The following QTMAN variants were observed in gnomAD, a reference collection of about 807,000 sequenced individuals.
QTMAN encodes tRNA-queuosine alpha-mannosyltransferase.
At chr2:144,243,352 C>T in the QTMAN span, among the ~76,000 whole-genome samples, 1 of 152,148 alleles carries the variant, frequency 6.6e-6, no homozygotes, top group Non-Finnish European at 1.5e-5. Flanking sequence ...CCATTTATCT[C>T]CAAGAACCAA....
At chr2:144,015,797 C>T in the QTMAN span, among the ~76,000 whole-genome samples, 1 of 152,162 alleles carries the variant, frequency 6.6e-6, no homozygotes, top group Non-Finnish European at 1.5e-5. Context: ...TGGTGAGAAT[C>T]CAGGCTGTGT....
chr2:143,967,015 G>A, the QTMAN span, among the ~76,000 whole-genome samples: 2 of 152,162 alleles, frequency 1.3e-5, no homozygotes, highest in Non-Finnish European at 2.9e-5. Flanking sequence ...GCCTTTCTTG[G>A]TTTTCCAATC....
chr2:143,946,763 C>T, the QTMAN span: 1 of 386,156 alleles, frequency 2.6e-6, no homozygotes, highest in Admixed American at 4.2e-5. Context: ...ATACAACAGG[C>T]CACATATTTT....
chr2:144,040,869 G>A, the QTMAN span, among the ~76,000 whole-genome samples: 1 of 152,066 alleles, frequency 6.6e-6, no homozygotes, highest in Admixed American at 6.5e-5. Flanking sequence ...TAGACAAAGA[G>A]GTGGATTTAT....
the QTMAN span, among the ~76,000 whole-genome samples, chr2:144,034,156 C>G: frequency 6.6e-6 from 1 of 152,150 alleles, no homozygotes; most frequent in Non-Finnish European, 1.5e-5. Context: ...ACAATCAGAG[C>G]CATTCCCCTG....
the QTMAN span, among the ~76,000 whole-genome samples, chr2:144,179,990 C>A: frequency 6.6e-6 from 1 of 152,110 alleles, no homozygotes; most frequent in African/African-American, 2.4e-5. Context: ...AAAATAATTT[C>A]TTTTACTGTT....
the QTMAN span, among the ~76,000 whole-genome samples, chr2:144,053,232 T>C: frequency 6.6e-6 from 1 of 152,218 alleles, no homozygotes; most frequent in African/African-American, 2.4e-5. Context: ...TTCAGATAAA[T>C]GTACATATAT....
chr2:143,991,382 G>A, the QTMAN span, among the ~76,000 whole-genome samples: 22 of 152,236 alleles, frequency 1.4e-4, 1 homozygote, highest in Admixed American at 1.1e-3. Flanking sequence ...ATAACTTCTC[G>A]GTGGGGGGTC....
At chr2:144,282,899 C>T in the QTMAN span, among the ~76,000 whole-genome samples, 1 of 152,130 alleles carries the variant, frequency 6.6e-6, no homozygotes, top group South Asian at 2.1e-4. Context: ...CCTGATGAAG[C>T]CTCCAGAAAG....
At chr2:144,183,796 T>C in the QTMAN span, among the ~76,000 whole-genome samples, 1 of 152,216 alleles carries the variant, frequency 6.6e-6, no homozygotes, top group Non-Finnish European at 1.5e-5. Flanking sequence ...CAGGATATCC[T>C]AACAACACCT....
chr2:144,152,332 T>C, the QTMAN span, among the ~76,000 whole-genome samples: 2 of 152,202 alleles, frequency 1.3e-5, no homozygotes, highest in African/African-American at 2.4e-5. Flanking sequence ...CTGAACTGTC[T>C]TACGGATGTT....
the QTMAN span, among the ~76,000 whole-genome samples, chr2:144,305,844 T>A: frequency 6.6e-6 from 1 of 152,254 alleles, no homozygotes; most frequent in Admixed American, 6.5e-5. Flanking sequence ...ATTCTTAATT[T>A]CATTTTTGTT....
At chr2:143,954,337 G>C in the QTMAN span, among the ~76,000 whole-genome samples, 1 of 151,984 alleles carries the variant, frequency 6.6e-6, no homozygotes, top group Admixed American at 6.6e-5. Context: ...AATCAAAAGA[G>C]TGAAGTCATA....
the QTMAN span, among the ~76,000 whole-genome samples, chr2:144,306,803 T>C: frequency 1.3e-5 from 2 of 152,108 alleles, no homozygotes; most frequent in African/African-American, 2.4e-5. Flanking sequence ...ATCATAAAAA[T>C]GCAAAGACAG....
At chr2:144,297,317 C>G in the QTMAN span, among the ~76,000 whole-genome samples, 124 of 152,192 alleles carry the variant, frequency 8.1e-4, no homozygotes, top group African/African-American at 2.8e-3. Flanking sequence ...AGCTTGACCA[C>G]GGAGAAACAA....
At chr2:144,115,853 C>G in the QTMAN span, among the ~76,000 whole-genome samples, 1 of 152,088 alleles carries the variant, frequency 6.6e-6, no homozygotes, top group Non-Finnish European at 1.5e-5. Flanking sequence ...TAAATGCAAG[C>G]AAATGGTATT....
the QTMAN span, among the ~76,000 whole-genome samples, chr2:144,261,999 G>A: frequency 6.6e-6 from 1 of 152,132 alleles, no homozygotes; most frequent in Non-Finnish European, 1.5e-5. Flanking sequence ...GGTGGAGGCA[G>A]AAAGAGAAGA....
At chr2:144,118,579 T>C in the QTMAN span, among the ~76,000 whole-genome samples, 1 of 152,178 alleles carries the variant, frequency 6.6e-6, no homozygotes, top group Non-Finnish European at 1.5e-5. Flanking sequence ...GAATTTGCAT[T>C]AGCCATAGAA....
the QTMAN span, among the ~76,000 whole-genome samples, chr2:143,985,604 A>C: frequency 1.3e-5 from 2 of 152,230 alleles, no homozygotes; most frequent in Non-Finnish European, 2.9e-5. Flanking sequence ...CTCAAATTTC[A>C]TGACAATATA....
Sources: gnomAD v4.1 joint callset for allele counts (sites outside exome capture counted in the v4.1 genomes callset) on GRCh38, gnomAD v4.1.1 for gene constraint, MANE v1.5 for transcripts, NCBI Gene and HGNC (gene_info 2026-07-23, HGNC 2026-07-21) for gene names.